ZNF512B: variants seen among roughly 807,000 people sequenced by gnomAD.
ZNF512B encodes zinc finger protein 512B.
In ZNF512B, 22 loss-of-function variants were observed where a neutral mutation model predicts 87.8. The ratio of observed to expected loss-of-function variants is 0.25; its 90% CI spans 0.18 to 0.36. The LOEUF (loss-of-function observed/expected upper bound fraction) is 0.36, where lower values mean the gene tolerates loss of function less well. Ranked by LOEUF, ZNF512B falls within the 10% of genes least tolerant of loss-of-function variation. The pLI, the probability that ZNF512B is intolerant of heterozygous loss-of-function variation, is 1.00. For synonymous variants in ZNF512B, 524 were observed against 490.9 expected, an observed-to-expected ratio of 1.07 and a Z score of -0.89; for missense variants, 1,060 against 1,231.6, an observed-to-expected ratio of 0.86 and a Z score of 2.09.
At position 63,963,118 on chromosome 20, in the gene ZNF512B, C is replaced by T. The variant is rs140673963; in HGVS notation, c.1945G>A (p.Val649Met). 16 of 1,557,862 alleles carry T rather than the reference C, an allele frequency of 1.0e-5. No homozygotes were observed. The highest frequency in any genetic ancestry group is 4.1e-5 in the African/African-American group (3 of 74,056). The change falls in exon 12 of 17, where the codon GTG becomes ATG. Residue 649 changes from valine to methionine, a missense_variant. By Grantham distance (21) the Val-to-Met change is conservative. Transcript: ENST00000369888. Reference protein sequence around the residue: ...YRSKAGHDYHVRSEHTAPPPE... With the variant: ...YRSKAGHDYHMRSEHTAPPPE... ...ACGGGGGCCGTGTGCTCCGAGCGCACGTGGTAGTCGTGGCCAGCCTTGGAT... is the reference window on the plus strand; with the variant it reads ...ACGGGGGCCGTGTGCTCCGAGCGCATGTGGTAGTCGTGGCCAGCCTTGGAT...
At chr20:63,968,522 G>A (rs935028549) in intron 1 of ZNF512B, among the ~76,000 whole-genome samples, 2 of 152,194 alleles carry the variant, frequency 1.3e-5, no homozygotes, top group African/African-American at 4.8e-5. Flanking sequence ...GCCTACCCAG[G>A]CAGGTACCCT....
chr20:63,960,069 T>C lies in ZNF512B; in HGVS notation c.2498A>G (p.Glu833Gly). ...TCCACCTGCCAGATTTTTCTTCTTT[T>C]CCTTCTTGGGCACCAATGAGTCCTG... ...RSQDSLVPKK[E>G]KKKNLAGGKK... Residue 833 changes from glutamate to glycine, a missense_variant, in exon 17 of 17, where the codon GAA becomes GGA. Glu to Gly is a moderately conservative substitution (Grantham distance 98). Coordinates refer to ENST00000369888, the MANE Select transcript of ZNF512B (RefSeq NM_020713.3). The C allele has an allele frequency of 6.2e-7, 1 of 1,613,992 alleles. No individual in the cohort carries two copies. Among genetic ancestry groups the C allele is most frequent in the Non-Finnish European group, 8.5e-7 (1 of 1,180,020 alleles).
At position 63,967,491 on chromosome 20, in the gene ZNF512B, G is replaced by A. The variant is rs781470468; in HGVS notation, c.154C>T (p.Pro52Ser). 2 of 1,610,722 alleles carry A rather than the reference G, an allele frequency of 1.2e-6. No homozygotes were observed. Among genetic ancestry groups the A allele is most frequent in the South Asian group, 1.1e-5 (1 of 90,882 alleles). Residue 52 changes from proline (P) to serine (S), a missense_variant, in exon 3 of 17, where the codon CCC becomes TCC. Physicochemically the swap from Pro to Ser is moderately conservative, Grantham distance 74 (BLOSUM62 -1). This residue lies in a region of ZNF512B where 134 missense variants were observed against 153.6 expected (regional missense o/e 0.87). Coordinates refer to ENST00000369888, the MANE Select transcript of ZNF512B (RefSeq NM_020713.3). The part of the protein sequence containing the change: ...MPVVRGGQTV[P>S]GQAPLCFDPG... ...TCAAAGCAGAGAGGGGCCTGGCCGGGCACTGTCTGTCCACCACGGACCACC... is the reference window on the plus strand; with the variant it reads ...TCAAAGCAGAGAGGGGCCTGGCCGGACACTGTCTGTCCACCACGGACCACC...
At position 63,966,393 on chromosome 20, in the gene ZNF512B, G is replaced by A. The variant is rs771375126; in HGVS notation, c.782C>T (p.Thr261Ile). 6.2e-7 allele frequency: 1 copy of A among 1,613,982 alleles called. No individual in the cohort carries two copies. Among genetic ancestry groups the A allele is most frequent in the South Asian group, 1.1e-5 (1 of 91,066 alleles). ...AMPVTKPITV[T>I]KSVPVTKPVP... ...GGGTTTGGTGACCGGCACAGACTTG[G>A]TGACTGTGATGGGTTTGGTGACCGG... Residue 261 changes from threonine (T) to isoleucine (I), a missense_variant, in exon 5 of 17, where the codon ACC becomes ATC. This residue lies in a region of ZNF512B where 201 missense variants were observed against 226.8 expected (regional missense o/e 0.89). Coordinates refer to ENST00000369888, the MANE Select transcript of ZNF512B (RefSeq NM_020713.3).
rs770909259 is a variant in ZNF512B at position 63,963,362 on chromosome 20, G to A, written c.1777C>T (p.Arg593Trp). 1.9e-6 allele frequency: 3 copies of A among 1,545,178 alleles called. No homozygotes were observed. The highest frequency in any genetic ancestry group is 1.7e-6 in the Non-Finnish European group (2 of 1,150,272). Residue 593 changes from arginine to tryptophan, a missense_variant, in exon 11 of 17, where the codon CGG (arginine) becomes TGG (tryptophan). Physicochemically the swap from Arg to Trp is moderately radical, Grantham distance 101 (BLOSUM62 -3). Around this residue, in one of 9 missense-constraint regions of ZNF512B, gnomAD observed 165 missense variants for 173.0 expected, o/e 0.95. Coordinates refer to ENST00000369888, the MANE Select transcript of ZNF512B (RefSeq NM_020713.3). Reference protein sequence around the residue: ...RLRKVLKQMGRLRCPQEGCGA... With the variant: ...RLRKVLKQMGWLRCPQEGCGA... ...CTGACCTCCTGGGGGCAGCGCAGCC[G>A]TCCCATCTGCTTCAGCACCTTGCGC...
In ZNF512B at chr20:63,959,206, T is replaced by G. The variant is rs2058824612; in HGVS notation, c.*682A>C. On this transcript the variant is annotated 3_prime_UTR_variant, in exon 17 of 17. Coordinates refer to ENST00000369888, the MANE Select transcript of ZNF512B (RefSeq NM_020713.3). ...AAGCTGGGAGAATTACAGACAGGCC[T>G]GGGGGGCAGGGCCTGAGCACAGCAG... 1 of 152,888 alleles carries G rather than the reference T, an allele frequency of 6.5e-6. No individual in the cohort carries two copies. Among genetic ancestry groups the G allele is most frequent in the Non-Finnish European group, 1.5e-5 (1 of 68,426 alleles). 9.5% of individuals were successfully genotyped at this position (152,888 alleles called of 1,614,324 possible).
rs780440230 is a variant in ZNF512B, at chr20:63,959,983, G to A, written c.2584C>T (p.Pro862Ser). 2 of 1,612,812 alleles carry A rather than the reference G, an allele frequency of 1.2e-6. No individual in the cohort carries two copies. Among genetic ancestry groups the A allele is most frequent in the Middle Eastern group, 1.6e-4 (1 of 6,062 alleles). ...TPEEPVAKLP[P>S]RRDDWPPGCR... is the part of the protein sequence containing the mutation. ...CCTGGAGGCCAGTCGTCCCGGCGCG[G>A]GGGCAGCTTGGCCACAGGCTCCTCT... Residue 862 changes from proline (P) to serine (S), a missense_variant, in exon 17 of 17, where the codon CCG becomes TCG. Transcript: ENST00000369888.
At chr20:63,968,297 G>A (rs1339728506) in intron 1 of ZNF512B, among the ~76,000 whole-genome samples, 3 of 152,246 alleles carry the variant, frequency 2.0e-5, no homozygotes, top group African/African-American at 7.2e-5. Flanking sequence ...CGAAGATGAT[G>A]CCGAAGGTGA....
At position 63,958,190 on chromosome 20, in the gene ZNF512B, G is replaced by A. The variant is rs978380941; in HGVS notation, c.*1698C>T. 2.0e-5 allele frequency: 3 copies of A among 152,262 alleles called. No homozygotes were observed. The highest frequency in any genetic ancestry group is 7.3e-5 in the African/African-American group (3 of 41,368). The allele number at this position is 152,262 out of a possible 1,614,324, so 9.4% of individuals were successfully genotyped here. The stretch of plus-strand genomic sequence containing the variant: ...TCCCTACTACTGCAGGCCAAGCCCA[G>A]TGGGGCCCCTTCTCCCTGGGGAATG... On this transcript the variant is annotated 3_prime_UTR_variant, in exon 17 of 17. Coordinates refer to ENST00000369888, the MANE Select transcript of ZNF512B (RefSeq NM_020713.3).
rs746962683 is a variant in ZNF512B, at chr20:63,962,542, G to T, written c.2163+45C>A. 8 of 1,577,046 alleles carry T rather than the reference G, an allele frequency of 5.1e-6. No individual in the cohort carries two copies. In the Admixed American group the frequency reaches 9.1e-5, roughly 18 times the overall value. On this transcript the variant is annotated intron_variant, in intron 13 of 16. Coordinates refer to ENST00000369888, the MANE Select transcript of ZNF512B (RefSeq NM_020713.3). ...AGTCTCAGGCCAAGGCATGCCCCAC[G>T]CAGAGGCCACGGCGCTGTCCACAGC...
chr20:63,962,133 G>T (rs1415469970), intron 14 of ZNF512B, 129 bp from the exon 15 acceptor site: 5 of 1,291,974 alleles, frequency 3.9e-6, no homozygotes, highest in Non-Finnish European at 4.3e-6. Flanking sequence ...CTGGGGACTG[G>T]GCAGGCTGGG....
At chr20:63,962,044 C>T (rs1206835372) in intron 14 of ZNF512B, 40 bp from the exon 15 acceptor site, 2 of 1,543,772 alleles carry the variant, frequency 1.3e-6, no homozygotes, top group South Asian at 1.2e-5. Flanking sequence ...CTCTGGTGGG[C>T]ACCCCACACC....
chr20:63,961,505 C>T lies in ZNF512B; in HGVS notation c.2329-98G>A. The T allele has an allele frequency of 8.5e-7, 1 of 1,175,308 alleles. No individual in the cohort carries two copies. Among genetic ancestry groups the T allele is most frequent in the East Asian group, 2.4e-5 (1 of 41,714 alleles). 72.8% of individuals were successfully genotyped at this position (1,175,308 alleles called of 1,614,324 possible). ...TAAAGGGTCAGAGTCAGCGGTGGCC[C>T]AAGGAAAGCTGTGGCTGTCTGTGCC... On this transcript the variant is annotated intron_variant, in intron 15 of 16. Transcript: ENST00000369888. The surrounding 1 kb of genome is among the most constrained non-coding windows in gnomAD (Gnocchi z 6.4).
At chr20:63,964,833 C>A in intron 5 of ZNF512B, 117 bp from the exon 6 acceptor site, 1 of 1,393,822 alleles carries the variant, frequency 7.2e-7, no homozygotes. Flanking sequence ...TTTCTCACCA[C>A]TGTTCCCCGA....
chr20:63,964,741 G>A lies in ZNF512B; in HGVS notation c.1035-25C>T, dbSNP rs373155501. 2.5e-6 allele frequency: 4 copies of A among 1,604,760 alleles called. No individual in the cohort carries two copies. In the African/African-American group the frequency reaches 4.0e-5, roughly 16 times the overall value. Reference sequence around the variant, plus strand: ...CCTGCAGGGAGCAGGTGAGGTGAGGGCCAGGAGGGCCTAACTGTGGGCCCC... The same window carrying A: ...CCTGCAGGGAGCAGGTGAGGTGAGGACCAGGAGGGCCTAACTGTGGGCCCC... On this transcript the variant is annotated intron_variant, in intron 5 of 16. Coordinates refer to ENST00000369888, the MANE Select transcript of ZNF512B (RefSeq NM_020713.3).
At chr20:63,962,817 C>A in intron 12 of ZNF512B, 36 bp from the exon 13 acceptor site, 17 of 1,547,950 alleles carry the variant, frequency 1.1e-5, no homozygotes, top group Non-Finnish European at 1.5e-5. Context: ...TAGAGTGAGC[C>A]GCGGGAGCAA....
Position 63,963,269 on chromosome 20 carries a change from G to A in ZNF512B, c.1798-4C>T. The A allele has an allele frequency of 6.5e-7, 1 of 1,543,900 alleles. No homozygotes were observed. ...TGGAGAAGGCAGCCCCGCAACCCTG[G>A]GGGTCAGGCCAGAGGGTGGGTGAGT... On this transcript the variant is annotated splice_polypyrimidine_tract_variant and splice_region_variant and intron_variant, in intron 11 of 16. Coordinates refer to ENST00000369888, the MANE Select transcript of ZNF512B (RefSeq NM_020713.3).
Position 63,966,329 on chromosome 20 carries a change from C to T in ZNF512B, c.846G>A (p.Val282=). Residue 282 remains valine, a synonymous_variant, in exon 5 of 17, where the codon GTG becomes GTA. Transcript: ENST00000369888. ...TGACCGGCACGGGTTTCGTAACTGT[C>T]ACAAGCTTTGTTACCGTAATGGGTT... The part of the protein sequence containing the change: ...VTKPITVTKL[V]TVTKPVPVTK... 1 of 1,595,032 alleles carries T rather than the reference C, an allele frequency of 6.3e-7. No homozygotes were observed.
At position 63,964,732 on chromosome 20, in the gene ZNF512B, G is replaced by A; in HGVS notation, c.1035-16C>T. The A allele has an allele frequency of 6.2e-7, 1 of 1,608,560 alleles. No individual in the cohort carries two copies. Among genetic ancestry groups the A allele is most frequent in the Non-Finnish European group, 8.5e-7 (1 of 1,178,714 alleles). ...GTCCGCAGCCCTGCAGGGAGCAGGT[G>A]AGGTGAGGGCCAGGAGGGCCTAACT... On this transcript the variant is annotated splice_polypyrimidine_tract_variant and intron_variant, in intron 5 of 16. Transcript: ENST00000369888.
Sources: allele counts gnomAD v4.1 joint callset (sites outside exome capture counted in the v4.1 genomes callset), GRCh38; gene constraint gnomAD v4.1.1; regional missense constraint gnomAD v4.1.1; non-coding constraint Gnocchi (gnomAD v3.1); transcripts MANE v1.5; gene names NCBI Gene and HGNC (gene_info 2026-07-23, HGNC 2026-07-21).